Variants in LMO7 observed in about 807,000 individuals in gnomAD.
The protein encoded by LMO7 is LIM domain only protein 7.
In LMO7, 120 loss-of-function variants were observed where a neutral mutation model predicts 206.5. The ratio of observed to expected loss-of-function variants is 0.58; its 90% CI spans 0.50 to 0.68. The LOEUF is 0.68. Among genes scored for constraint, LMO7 ranks in the 30% least tolerant of loss-of-function variants. The probability of loss-of-function intolerance (pLI) is 0.00; values close to 1 mark genes in which losing one functional copy is unlikely to be tolerated. For synonymous variants in LMO7, 706 were observed against 681.5 expected, an observed-to-expected ratio of 1.04 and a Z score of -0.56; for missense variants, 1,959 against 1,957.9, an observed-to-expected ratio of 1.00 and a Z score of -0.01.
intron 14 of LMO7, 87 bp from the exon 15 acceptor site, chr13:75,823,478 T>C (rs542652212): frequency 1.9e-6 from 2 of 1,055,058 alleles, no homozygotes; most frequent in African/African-American, 3.3e-5. Context: ...TTATTTTAGT[T>C]TTAAAATATT....
intron 3 of LMO7, among the ~76,000 whole-genome samples, chr13:75,752,761 G>T (rs907003150): frequency 6.6e-6 from 1 of 152,212 alleles, no homozygotes; most frequent in Non-Finnish European, 1.5e-5. Context: ...CAAAAGACAT[G>T]ATTTCATTTT....
intron 3 of LMO7, among the ~76,000 whole-genome samples, chr13:75,744,642 G>A (rs750228260): frequency 2.6e-5 from 4 of 152,226 alleles, no homozygotes; most frequent in Non-Finnish European, 5.9e-5. Flanking sequence ...TAAAACTGGT[G>A]TGAAGGCACT....
At position 75,687,088 on chromosome 13, in the gene LMO7, C is replaced by T. The variant is rs139338378; in HGVS notation, c.70-26094C>T. Among the ~76,000 whole-genome samples, 180 of 152,216 alleles carry T rather than the reference C, an allele frequency of 1.2e-3. 1 individual carries two copies. Among genetic ancestry groups the T allele is most frequent in the African/African-American group, 4.3e-3 (177 of 41,538 alleles). On this transcript the variant is annotated intron_variant, in intron 1 of 30. Coordinates refer to ENST00000377534, the MANE Select transcript of LMO7 (RefSeq NM_001306080.2). ...ATACATTCAGTGCATTGCATCCATC[C>T]TGTCAGGAAGTGAGGGGATACACTA...
At chr13:75,796,217 T>G (rs566903217) in intron 5 of LMO7, among the ~76,000 whole-genome samples, 1 of 152,330 alleles carries the variant, frequency 6.6e-6, no homozygotes, top group South Asian at 2.1e-4. Context: ...TGCAAGAATA[T>G]CTAAAAATGT....
At chr13:75,659,885 G>A (rs932146479) in intron 1 of LMO7, among the ~76,000 whole-genome samples, 6 of 152,124 alleles carry the variant, frequency 3.9e-5, no homozygotes, top group Non-Finnish European at 8.8e-5. Context: ...GTTAGATCTG[G>A]AATCAAGATT....
At chr13:75,636,196 C>G, upstream of LMO7, 2 of 676,122 alleles carry the variant, frequency 3.0e-6, no homozygotes, top group Non-Finnish European at 1.8e-6. Context: ...GAGGCGGCCG[C>G]GGCCGGGAGC....
At chr13:75,834,490 T>C (rs1002812874) in intron 17 of LMO7, 103 bp downstream of exon 17, 2 of 889,614 alleles carry the variant, frequency 2.2e-6, no homozygotes, top group Non-Finnish European at 3.3e-6. Flanking sequence ...TTTTCACTTA[T>C]GTTTTGGCAT....
intron 1 of LMO7, among the ~76,000 whole-genome samples, chr13:75,661,239 T>A (rs1440248276): frequency 6.6e-6 from 1 of 152,184 alleles, no homozygotes; most frequent in South Asian, 2.1e-4. Context: ...TCCATCGTAC[T>A]GTGTATATAT....
intron 4 of LMO7, 63 bp downstream of exon 4, chr13:75,761,101 G>C: frequency 3.8e-6 from 4 of 1,058,412 alleles, no homozygotes; most frequent in Non-Finnish European, 5.4e-6. Flanking sequence ...TGTAGCTTAA[G>C]TGAAAAGAAT....
chr13:75,810,314 A>G (rs891551989), intron 11 of LMO7, among the ~76,000 whole-genome samples: 1 of 152,160 alleles, frequency 6.6e-6, no homozygotes, highest in African/African-American at 2.4e-5. Context: ...CCTTATGAGG[A>G]TTTACTTCAT....
Position 75,713,397 on chromosome 13 carries a change from A to T in LMO7, c.140+145A>T, listed in dbSNP as rs1398588942. On this transcript the variant is annotated intron_variant, in intron 2 of 30. Transcript: ENST00000377534. Reference sequence around the variant, plus strand: ...GGTGAGATTTGATCCCTGCAAATTGATACCTCACAATACGAGACAGTAGGA... The same window carrying T: ...GGTGAGATTTGATCCCTGCAAATTGTTACCTCACAATACGAGACAGTAGGA... The T allele has an allele frequency of 5.8e-6, 3 of 516,506 alleles. No homozygotes were observed. In the East Asian group the frequency reaches 9.0e-5, roughly 15 times the overall value. The allele number at this position is 516,506 out of a possible 1,614,324, so 32.0% of individuals were successfully genotyped here. A position where few individuals can be genotyped will look rare whatever the true frequency, so the allele number is the denominator to read the frequency against.
intron 1 of LMO7, among the ~76,000 whole-genome samples, chr13:75,669,255 G>T (rs2039334336): frequency 6.6e-6 from 1 of 152,186 alleles, no homozygotes; most frequent in African/African-American, 2.4e-5. Flanking sequence ...GAGTGTGTGT[G>T]TAAGAGAGAT....
intron 1 of LMO7, among the ~76,000 whole-genome samples, chr13:75,692,886 G>T (rs184404262): frequency 1.2e-4 from 18 of 152,312 alleles, no homozygotes; most frequent in African/African-American, 3.8e-4. Context: ...TGACTTTGGA[G>T]GGTAAAAGAA....
intron 1 of LMO7, among the ~76,000 whole-genome samples, chr13:75,710,119 C>A (rs931476427): frequency 2.0e-5 from 3 of 152,048 alleles, no homozygotes; most frequent in Admixed American, 2.0e-4. Context: ...AGATATGCGG[C>A]ATTATTTCTG....
rs112512807 is a variant in LMO7 at position 75,735,116 on chromosome 13, CGTGTGT to C, written c.210+8039_210+8044del. Among the ~76,000 whole-genome samples, 1,454 of 145,656 alleles carry C rather than the reference CGTGTGT, an allele frequency of 1.0e-2. 23 individuals carry two copies. The highest frequency in any genetic ancestry group is 0.064 in the South Asian group (296 of 4,612). ...CCGTCTCAAAAAAAAAAAAAAATTA[CGTGTGT>C]GTGTGTGTGTGTGTGTGTGTATGTA... On this transcript the variant is annotated intron_variant, in intron 3 of 30. Coordinates refer to ENST00000377534, the MANE Select transcript of LMO7 (RefSeq NM_001306080.2).
intron 1 of LMO7, among the ~76,000 whole-genome samples, chr13:75,644,001 T>A (rs182668964): frequency 4.6e-5 from 7 of 152,336 alleles, no homozygotes; most frequent in African/African-American, 1.7e-4. Context: ...AATTTTTGTA[T>A]GGATTCAGAG....
At position 75,807,776 on chromosome 13, in the gene LMO7, T is replaced by C; in HGVS notation, c.1493T>C (p.Ile498Thr). Residue 498 changes from isoleucine to threonine, a missense_variant, in exon 10 of 31, where the codon ATA becomes ACA. Physicochemically the swap from Ile to Thr is moderately conservative, Grantham distance 89. Coordinates refer to ENST00000377534, the MANE Select transcript of LMO7 (RefSeq NM_001306080.2). ...CAAGATGATTCTGTAGAGCGAGATA[T>C]AATTTTACAGTGTAGAGAAGGTGAA... Reference protein sequence around the residue: ...SEQDDSVERDIILQCREGELV... With the variant: ...SEQDDSVERDTILQCREGELV... 6.2e-7 allele frequency: 1 copy of C among 1,613,986 alleles called. No homozygotes were observed. Among genetic ancestry groups the C allele is most frequent in the South Asian group, 1.1e-5 (1 of 91,082 alleles).
chr13:75,840,391 C>T lies in LMO7; in HGVS notation c.3478C>T (p.Leu1160Phe). 6.2e-7 allele frequency: 1 copy of T among 1,613,930 alleles called. No homozygotes were observed. The highest frequency in any genetic ancestry group is 8.5e-7 in the Non-Finnish European group (1 of 1,179,870). The change falls in exon 22 of 31, where the codon CTT (leucine) becomes TTT (phenylalanine). Residue 1160 changes from leucine (L) to phenylalanine (F), a missense_variant and splice_region_variant. Transcript: ENST00000377534. ...CATCTCTTCTCTGATAACTGGTTAG[C>T]TTCCAGTTCCAACCATCAGTGCCCC... The part of the protein sequence containing the change: ...QGSSDSVVPD[L>F]PVPTISAPSR...
At chr13:75,824,035 T>A (rs2057867136) in intron 15 of LMO7, among the ~76,000 whole-genome samples, 162 bp downstream of exon 15, 1 of 152,228 alleles carries the variant, frequency 6.6e-6, no homozygotes, top group Non-Finnish European at 1.5e-5. Flanking sequence ...GAAGTAGGTC[T>A]CTTTCCACTC....
Sources: gnomAD v4.1 joint callset for allele counts (sites outside exome capture counted in the v4.1 genomes callset) on GRCh38, gnomAD v4.1.1 for gene constraint, MANE v1.5 for transcripts, NCBI Gene and HGNC (gene_info 2026-07-23, HGNC 2026-07-21) for gene names.